Variants in CNKSR3 observed in about 807,000 individuals in gnomAD.
The protein encoded by CNKSR3 is CNKSR family member 3, also known as connector enhancer of kinase suppressor of ras 3.
CNKSR3 carries 36 observed loss-of-function variants against 67.7 expected under a neutral mutation model. The ratio of observed to expected loss-of-function variants is 0.53; its 90% CI spans 0.41 to 0.70. The LOEUF (loss-of-function observed/expected upper bound fraction) is 0.70. CNKSR3 is among the 30% of genes least tolerant of loss of function. CNKSR3 has a pLI of 0.00. For missense variants in CNKSR3, 630 were observed against 695.2 expected (o/e 0.91, Z 1.05); for synonymous variants, 281 against 271.4 (o/e 1.04, Z -0.35).
rs1012136951 is a variant in CNKSR3, at chr6:154,389,563, G to T, written c.*16791C>A. On this transcript the variant is annotated 3_prime_UTR_variant, in exon 13 of 13. Coordinates refer to ENST00000607772, the MANE Select transcript of CNKSR3 (RefSeq NM_173515.4). ...TGTTCTTCTTTCTCAAGATTGATAT[G>T]GCTATTCATGGTCTTTTGTGGTTTC... 1 of 152,126 alleles carries T rather than the reference G, an allele frequency of 6.6e-6. No homozygotes were observed. Among genetic ancestry groups the T allele is most frequent in the African/African-American group, 2.4e-5 (1 of 41,434 alleles). The allele number at this position is 152,126 out of a possible 1,614,324, so 9.4% of individuals were successfully genotyped here. A position where few individuals can be genotyped will look rare whatever the true frequency, so the allele number is the denominator to read the frequency against.
In CNKSR3 at chr6:154,415,423, G is replaced by A. The variant is rs117769009; in HGVS notation, c.946-1000C>T. ...TTTTTGTATGTTTAGTAGAGATGGCGTTTTGCCATGTTGGCCAGGCTGGTC... is the reference window on the plus strand; with the variant it reads ...TTTTTGTATGTTTAGTAGAGATGGCATTTTGCCATGTTGGCCAGGCTGGTC... On this transcript the variant is annotated intron_variant, in intron 9 of 12. Coordinates refer to ENST00000607772, the MANE Select transcript of CNKSR3 (RefSeq NM_173515.4). Among the ~76,000 whole-genome samples the A allele has an allele frequency of 5.4e-3, 825 of 151,906 alleles. 5 individuals carry two copies. The highest frequency in any genetic ancestry group is 9.3e-3 in the Non-Finnish European group (630 of 67,978).
At chr6:154,507,729 C>T (rs1424241181) in intron 1 of CNKSR3, among the ~76,000 whole-genome samples, 2 of 152,142 alleles carry the variant, frequency 1.3e-5, no homozygotes, top group Non-Finnish European at 2.9e-5. Flanking sequence ...AAGTGCCAAC[C>T]ACAGGTATGT....
At position 154,403,111 on chromosome 6, in the gene CNKSR3, G is replaced by C. The variant is rs1471762633; in HGVS notation, c.*3243C>G. On this transcript the variant is annotated 3_prime_UTR_variant, in exon 13 of 13. Coordinates refer to ENST00000607772, the MANE Select transcript of CNKSR3 (RefSeq NM_173515.4). ...ATGATTTTCATTTGAAGATTGAAAAGTGATGCTATAAAATATTATAATAGG... is the reference window on the plus strand; with the variant it reads ...ATGATTTTCATTTGAAGATTGAAAACTGATGCTATAAAATATTATAATAGG... 6.6e-6 allele frequency: 1 copy of C among 152,154 alleles called. No individual in the cohort carries two copies. The highest frequency in any genetic ancestry group is 2.4e-5 in the African/African-American group (1 of 41,414). 9.4% of individuals were successfully genotyped at this position (152,154 alleles called of 1,614,324 possible). A position where few individuals can be genotyped will look rare whatever the true frequency, so the allele number is the denominator to read the frequency against.
At chr6:154,416,432 G>A (rs1562321931) in intron 9 of CNKSR3, among the ~76,000 whole-genome samples, 1 of 152,148 alleles carries the variant, frequency 6.6e-6, no homozygotes, top group Admixed American at 6.5e-5. Flanking sequence ...ATCTCAACAT[G>A]TCAATTTCGG....
intron 1 of CNKSR3, among the ~76,000 whole-genome samples, chr6:154,497,875 A>G (rs193105032): frequency 5.1e-4 from 78 of 152,344 alleles, no homozygotes; most frequent in African/African-American, 1.9e-3. Context: ...CCTTGAGTCA[A>G]CAGATAACTT....
intron 1 of CNKSR3, among the ~76,000 whole-genome samples, chr6:154,456,089 G>C (rs1227660915): frequency 6.6e-6 from 1 of 152,110 alleles, no homozygotes. Flanking sequence ...TGATGAACTA[G>C]GTCCCAGAAA....
At chr6:154,406,770 C>A (rs553861630) in intron 12 of CNKSR3, 118 bp from the exon 13 acceptor site, 72 of 816,990 alleles carry the variant, frequency 8.8e-5, no homozygotes, top group Non-Finnish European at 1.3e-4. Flanking sequence ...GAGATCTAGA[C>A]CATCCTGGCC....
intron 1 of CNKSR3, among the ~76,000 whole-genome samples, chr6:154,475,336 G>T (rs760063795): frequency 1.3e-5 from 2 of 151,966 alleles, no homozygotes; most frequent in Non-Finnish European, 2.9e-5. Context: ...CCCCCTGGGC[G>T]CCCTTCCCTC....
intron 1 of CNKSR3, chr6:154,478,487 C>T (rs75288323): frequency 0.013 from 1,955 of 152,544 alleles, 16 homozygotes; most frequent in Middle Eastern, 0.027. Flanking sequence ...CGTGTTTATT[C>T]ATGTGTCTGA....
At chr6:154,411,314 T>C (rs899929920) in intron 10 of CNKSR3, among the ~76,000 whole-genome samples, 172 bp from the exon 11 acceptor site, 3 of 151,940 alleles carry the variant, frequency 2.0e-5, no homozygotes, top group Non-Finnish European at 2.9e-5. Context: ...TACATACAGA[T>C]CCTATTAAAT....
In CNKSR3 at chr6:154,396,367, A is replaced by C. The variant is rs1480437174; in HGVS notation, c.*9987T>G. On this transcript the variant is annotated 3_prime_UTR_variant, in exon 13 of 13. Transcript: ENST00000607772. ...TTTTCTTTAAAATGAGAGCCAATGT[A>C]ATAAAATTCTTTATGGAATAGTCTG... 1 of 152,218 alleles carries C rather than the reference A, an allele frequency of 6.6e-6. No individual in the cohort carries two copies. The highest frequency in any genetic ancestry group is 1.5e-5 in the Non-Finnish European group (1 of 68,044). The allele number at this position is 152,218 out of a possible 1,614,324, so 9.4% of individuals were successfully genotyped here.
chr6:154,483,611 C>T (rs73794115), intron 1 of CNKSR3, among the ~76,000 whole-genome samples: 1,758 of 152,132 alleles, frequency 0.012, 37 homozygotes, highest in African/African-American at 0.04. Context: ...GCATGGCCAA[C>T]CCCTAGGCAG....
At chr6:154,445,520 A>G (rs1582866942) in intron 2 of CNKSR3, among the ~76,000 whole-genome samples, 1 of 152,348 alleles carries the variant, frequency 6.6e-6, no homozygotes, top group Non-Finnish European at 1.5e-5. Flanking sequence ...TTACATGAAG[A>G]GTTTTGAACT....
chr6:154,429,501 C>T (rs1279935147), intron 6 of CNKSR3, among the ~76,000 whole-genome samples: 5 of 152,180 alleles, frequency 3.3e-5, no homozygotes, highest in South Asian at 4.1e-4. Flanking sequence ...AAATATGTGA[C>T]TATAAACCTA....
intron 1 of CNKSR3, among the ~76,000 whole-genome samples, chr6:154,475,575 G>T (rs1276207895): frequency 6.6e-6 from 1 of 152,070 alleles, no homozygotes; most frequent in Non-Finnish European, 1.5e-5. Context: ...TCTGCTATTG[G>T]GCATTTCCCA....
intron 1 of CNKSR3, among the ~76,000 whole-genome samples, chr6:154,484,318 T>C (rs573344604): frequency 6.6e-6 from 1 of 152,108 alleles, no homozygotes; most frequent in Non-Finnish European, 1.5e-5. Context: ...AAGAAACATC[T>C]TAATATACCT....
At chr6:154,460,309 A>G (rs1291596745) in intron 1 of CNKSR3, among the ~76,000 whole-genome samples, 2 of 152,222 alleles carry the variant, frequency 1.3e-5, no homozygotes, top group Non-Finnish European at 1.5e-5. Context: ...CCCTCAAAAA[A>G]CAATGTATGA....
At chr6:154,477,122 C>A (rs1288927927) in intron 1 of CNKSR3, among the ~76,000 whole-genome samples, 1 of 152,064 alleles carries the variant, frequency 6.6e-6, no homozygotes, top group Non-Finnish European at 1.5e-5. Context: ...CCTAAAAAAA[C>A]CTATTTTTAC....
At position 154,510,100 on chromosome 6, in the gene CNKSR3, G is replaced by C. The variant is rs764272723; in HGVS notation, c.15C>G (p.Thr5=). ...CCACCACTTGTTTGGGGCTCCACTTGGTCACGGGTTCCATGGTAAACCGCT... is the reference window on the plus strand; with the variant it reads ...CCACCACTTGTTTGGGGCTCCACTTCGTCACGGGTTCCATGGTAAACCGCT... MEPV[T]KWSPKQVVDW... Residue 5 remains threonine (T), a synonymous_variant, in exon 1 of 13, where the codon ACC becomes ACG. Coordinates refer to ENST00000607772, the MANE Select transcript of CNKSR3 (RefSeq NM_173515.4). 7 of 1,614,078 alleles carry C rather than the reference G, an allele frequency of 4.3e-6. No individual in the cohort carries two copies. The highest frequency in any genetic ancestry group is 3.3e-5 in the South Asian group (3 of 91,080).
Sources: allele counts gnomAD v4.1 joint callset (sites outside exome capture counted in the v4.1 genomes callset), GRCh38; gene constraint gnomAD v4.1.1; transcripts MANE v1.5; gene names NCBI Gene and HGNC (gene_info 2026-07-23, HGNC 2026-07-21).